RASGEF1A: variants seen among roughly 807,000 people sequenced by gnomAD.
The protein encoded by RASGEF1A is RasGEF domain family member 1A, also known as ras-GEF domain-containing family member 1A.
In RASGEF1A, 18 loss-of-function variants were observed where a neutral mutation model predicts 56.4. The observed-to-expected ratio is 0.32, with a 90% CI of 0.22 to 0.47. The LOEUF (loss-of-function observed/expected upper bound fraction) is 0.47, where lower values mean the gene tolerates loss of function less well. RASGEF1A is among the 20% of genes least tolerant of loss of function. RASGEF1A has a pLI of 1.00. For missense variants in RASGEF1A, 422 were observed against 627.1 expected (o/e 0.67, Z 3.49); for synonymous variants, 245 against 242.6 (o/e 1.01, Z -0.09).
chr10:43,198,504 C>G (rs1839837417), intron 9 of RASGEF1A, among the ~76,000 whole-genome samples: 1 of 152,244 alleles, frequency 6.6e-6, no homozygotes, highest in South Asian at 2.1e-4. Flanking sequence ...CAACACCTCC[C>G]AGACCTGACC....
intron 1 of RASGEF1A, among the ~76,000 whole-genome samples, chr10:43,250,340 TC>T (rs144620154): frequency 6.6e-6 from 1 of 152,236 alleles, no homozygotes; most frequent in East Asian, 1.9e-4. Context: ...GGTTTCCCTG[TC>T]GGGGGACGCA....
rs192458532 is a variant in RASGEF1A at position 43,241,768 on chromosome 10, A to T, written c.-7+25077T>A. On this transcript the variant is annotated intron_variant, in intron 1 of 12. Transcript: ENST00000395810. ...TTAAGAGTCAGAGATTATCAGAGTTAAAAAAAAAAACATGATCCAACTACA... is the reference window on the plus strand; with the variant it reads ...TTAAGAGTCAGAGATTATCAGAGTTTAAAAAAAAAACATGATCCAACTACA... Among the ~76,000 whole-genome samples the T allele has an allele frequency of 6.0e-4, 88 of 147,764 alleles. 1 individual carries two copies. Among genetic ancestry groups the T allele is most frequent in the Non-Finnish European group, 4.5e-5 (3 of 66,484 alleles).
At chr10:43,198,529 C>T (rs1392294171) in intron 9 of RASGEF1A, among the ~76,000 whole-genome samples, 1 of 152,248 alleles carries the variant, frequency 6.6e-6, no homozygotes, top group Non-Finnish European at 1.5e-5. Flanking sequence ...CCACAAGACA[C>T]ATGCTTTGCA....
chr10:43,210,657 C>T (rs1293097825), intron 1 of RASGEF1A, among the ~76,000 whole-genome samples: 1 of 152,250 alleles, frequency 6.6e-6, no homozygotes, highest in Non-Finnish European at 1.5e-5. Flanking sequence ...GAGCCTCTCT[C>T]CTGCCTCAGC....
chr10:43,232,266 G>C (rs545179705), intron 1 of RASGEF1A, among the ~76,000 whole-genome samples: 11 of 152,312 alleles, frequency 7.2e-5, no homozygotes, highest in Admixed American at 7.2e-4. Flanking sequence ...TAGTGAGTGA[G>C]TGAGTTCTGG....
intron 1 of RASGEF1A, among the ~76,000 whole-genome samples, chr10:43,261,728 A>C (rs1398743792): frequency 6.6e-6 from 1 of 152,036 alleles, no homozygotes; most frequent in Non-Finnish European, 1.5e-5. Flanking sequence ...TCCTCTCCTC[A>C]GCCAGCAAAG....
At chr10:43,257,595 C>A (rs1052301546) in intron 1 of RASGEF1A, among the ~76,000 whole-genome samples, 1 of 152,186 alleles carries the variant, frequency 6.6e-6, no homozygotes, top group Non-Finnish European at 1.5e-5. Context: ...GTGCCCTGCG[C>A]TTCCCCCGGG....
intron 1 of RASGEF1A, among the ~76,000 whole-genome samples, chr10:43,218,793 G>A (rs372444428): frequency 2.6e-5 from 4 of 152,388 alleles, no homozygotes; most frequent in Non-Finnish European, 2.9e-5. Context: ...CTCACAGGGC[G>A]CCCGCTCCAG....
At chr10:43,223,169 G>T (rs941731200) in intron 1 of RASGEF1A, among the ~76,000 whole-genome samples, 1 of 152,094 alleles carries the variant, frequency 6.6e-6, no homozygotes, top group Admixed American at 6.5e-5. Flanking sequence ...CTGGACAGGG[G>T]ACCAAGATAT....
chr10:43,242,840 T>C (rs1395285512), intron 1 of RASGEF1A, among the ~76,000 whole-genome samples: 1 of 152,194 alleles, frequency 6.6e-6, no homozygotes, highest in Non-Finnish European at 1.5e-5. Flanking sequence ...TTGCTCAATG[T>C]TGCCCAGGCT....
intron 1 of RASGEF1A, among the ~76,000 whole-genome samples, chr10:43,233,185 G>A (rs982515980): frequency 3.3e-5 from 5 of 152,232 alleles, no homozygotes; most frequent in Middle Eastern, 3.4e-3. Flanking sequence ...TGGTTCATTC[G>A]TCTGCTCTCC....
At chr10:43,215,059 G>A (rs538035523) in intron 1 of RASGEF1A, among the ~76,000 whole-genome samples, 13 of 152,274 alleles carry the variant, frequency 8.5e-5, no homozygotes, top group Non-Finnish European at 1.5e-4. Flanking sequence ...CTGAAGCCCT[G>A]GCCTGGACAT....
At position 43,213,580 on chromosome 10, in the gene RASGEF1A, C is replaced by T. The variant is rs571559127; in HGVS notation, c.-6-7458G>A. Among the ~76,000 whole-genome samples, 3 of 152,262 alleles carry T rather than the reference C, an allele frequency of 2.0e-5. No individual in the cohort carries two copies. In the South Asian group the frequency reaches 6.2e-4, roughly 32 times the overall value. ...AAAGGGAAGTTTTTGTGAAAGAGTA[C>T]GAATGACATTCCTTTTTGCAGCCTC... On this transcript the variant is annotated intron_variant, in intron 1 of 12. Transcript: ENST00000395810.
intron 1 of RASGEF1A, chr10:43,229,490 G>C (rs1840330855): frequency 3.5e-6 from 2 of 574,004 alleles, no homozygotes; most frequent in Non-Finnish European, 5.7e-6. Flanking sequence ...TGCTCCAGCG[G>C]GGACGCACAG....
At chr10:43,263,498 G>A (rs531483171) in intron 1 of RASGEF1A, among the ~76,000 whole-genome samples, 11 of 152,294 alleles carry the variant, frequency 7.2e-5, no homozygotes, top group East Asian at 3.9e-4. Flanking sequence ...TGCATCCCAC[G>A]TATGAAGTGC....
chr10:43,200,182 C>T lies in RASGEF1A; in HGVS notation c.756G>A (p.Arg252=). 6.3e-7 allele frequency: 1 copy of T among 1,596,812 alleles called. No individual in the cohort carries two copies. Among genetic ancestry groups the T allele is most frequent in the South Asian group, 1.1e-5 (1 of 88,448 alleles). The change falls in exon 6 of 13, where the codon AGG becomes AGA. Residue 252 remains arginine (R), a splice_region_variant and synonymous_variant. Transcript: ENST00000395810. Reference sequence around the variant, plus strand: ...GTGCCACAGGCCTTGGCCCACTTACCCTGTGGTTGTCCAAGGAGTCCATGT... The same window carrying T: ...GTGCCACAGGCCTTGGCCCACTTACTCTGTGGTTGTCCAAGGAGTCCATGT... The part of the protein sequence containing the change: ...VSHMDSLDNH[R]CRGDLTKTYS...
chr10:43,206,174 A>C, intron 1 of RASGEF1A, 52 bp from the exon 2 acceptor site: 3 of 1,441,264 alleles, frequency 2.1e-6, no homozygotes, highest in Non-Finnish European at 2.8e-6. Flanking sequence ...CCACAGCTCC[A>C]CAGACCCTCC....
chr10:43,228,008 C>T (rs568089322), intron 1 of RASGEF1A, among the ~76,000 whole-genome samples: 39 of 152,236 alleles, frequency 2.6e-4, no homozygotes, highest in African/African-American at 7.5e-4. Flanking sequence ...AGCTTCACCC[C>T]TCCCAGCAGC....
Position 43,231,859 on chromosome 10 carries a change from C to T in RASGEF1A, c.-6-25737G>A, listed in dbSNP as rs1840373524. Among the ~76,000 whole-genome samples, 3 of 152,252 alleles carry T rather than the reference C, an allele frequency of 2.0e-5. No individual in the cohort carries two copies. In the South Asian group the frequency reaches 6.2e-4, roughly 32 times the overall value. On this transcript the variant is annotated intron_variant, in intron 1 of 12. Transcript: ENST00000395810. ...GCTGGTGGGCCCTGAGGCAGAATCC[C>T]ACTGCCACTTCAGAAAGTAGAGAAG... is the stretch of plus-strand genomic sequence containing the variant.
Sources: gnomAD v4.1 joint callset for allele counts (sites outside exome capture counted in the v4.1 genomes callset) on GRCh38, gnomAD v4.1.1 for gene constraint, MANE v1.5 for transcripts, NCBI Gene and HGNC (gene_info 2026-07-23, HGNC 2026-07-21) for gene names.